Variants in MAST2 observed in about 807,000 individuals in gnomAD.
MAST2 encodes microtubule-associated serine/threonine-protein kinase 2.
MAST2 carries 70 observed loss-of-function variants against 147.4 expected under a neutral mutation model. The ratio of observed to expected loss-of-function variants is 0.47; its 90% confidence interval spans 0.39 to 0.58. The LOEUF (loss-of-function observed/expected upper bound fraction) is 0.58. Among genes scored for constraint, MAST2 ranks in the 20% least tolerant of loss-of-function variants. The pLI, the probability that MAST2 is intolerant of heterozygous loss-of-function variation, is 0.00. For synonymous variants in MAST2, 869 were observed against 896.8 expected, an observed-to-expected ratio of 0.97 and a Z score of 0.55; for missense variants, 2,080 against 2,302.3, an observed-to-expected ratio of 0.90 and a Z score of 1.98.
chr1:46,023,663 C>G lies in MAST2; in HGVS notation c.1572-109C>G. The G allele has an allele frequency of 2.0e-6, 2 of 993,790 alleles. No homozygotes were observed. Among genetic ancestry groups the G allele is most frequent in the African/African-American group, 1.6e-5 (1 of 62,424 alleles). The allele number at this position is 993,790 out of a possible 1,614,324, so 61.6% of individuals were successfully genotyped here. A position where few individuals can be genotyped will look rare whatever the true frequency, so the allele number is the denominator to read the frequency against. On this transcript the variant is annotated intron_variant, in intron 14 of 28. Coordinates refer to ENST00000361297, the MANE Select transcript of MAST2 (RefSeq NM_015112.3). The surrounding 1 kb of genome is among the most constrained non-coding windows in gnomAD (Gnocchi z 4.9). Reference sequence around the variant, plus strand: ...TCTCACTGATATGCATGCCCTTGCCCCCTTGTTCTGTGCATTAATTAAGGT... The same window carrying G: ...TCTCACTGATATGCATGCCCTTGCCGCCTTGTTCTGTGCATTAATTAAGGT...
chr1:45,831,779 A>ACTT lies in MAST2; in HGVS notation c.468+2198_468+2199insCTT, dbSNP rs1491380342. 1.5e-5 allele frequency among the ~76,000 whole-genome samples: 2 copies of ACTT among 133,984 alleles called. 1 individual carries two copies. 87.9% of individuals were successfully genotyped at this position (133,984 alleles called of 152,430 possible). A position where few individuals can be genotyped will look rare whatever the true frequency, so the allele number is the denominator to read the frequency against. On this transcript the variant is annotated intron_variant, in intron 3 of 28. Coordinates refer to ENST00000361297, the MANE Select transcript of MAST2 (RefSeq NM_015112.3). ...TATGACCAGATCTAAGAAGTTTAAT[A>ACTT]GTTTTTTTTTTTTTTTTTGAGCCTG...
At chr1:46,013,288 G>A (rs964864293) in intron 10 of MAST2, among the ~76,000 whole-genome samples, 1 of 152,022 alleles carries the variant, frequency 6.6e-6, no homozygotes, top group Non-Finnish European at 1.5e-5. Flanking sequence ...ACCCAGATTT[G>A]GCTTATTCCA....
intron 1 of MAST2, among the ~76,000 whole-genome samples, chr1:45,814,016 T>C (rs970556612): frequency 6.6e-6 from 1 of 152,156 alleles, no homozygotes; most frequent in Non-Finnish European, 1.5e-5. Context: ...TATTACAACA[T>C]TGTAGTGCAA....
At chr1:45,973,904 A>T (rs370037828) in intron 5 of MAST2, among the ~76,000 whole-genome samples, 18 of 152,338 alleles carry the variant, frequency 1.2e-4, no homozygotes, top group African/African-American at 4.1e-4. Context: ...GTGGGGGCAA[A>T]ACCTAATTGG....
At chr1:45,979,440 T>G (rs1398422926) in intron 5 of MAST2, among the ~76,000 whole-genome samples, 1 of 151,874 alleles carries the variant, frequency 6.6e-6, no homozygotes, top group African/African-American at 2.4e-5. Flanking sequence ...TTTTTTTTTT[T>G]TTTTTTTGGT....
chr1:45,816,837 C>G (rs1236370168), intron 1 of MAST2, among the ~76,000 whole-genome samples: 1 of 152,116 alleles, frequency 6.6e-6, no homozygotes, highest in African/African-American at 2.4e-5. Context: ...GCCACCACAC[C>G]TGGCTAATTT....
rs77846621 is a variant in MAST2, at chr1:45,848,307, C to T, written c.468+18726C>T. On this transcript the variant is annotated intron_variant, in intron 3 of 28. Transcript: ENST00000361297. ...AGTTTCCTACACTGATAAAAATTTC[C>T]TTGAATGATAAGAGTGACTTACTGT... 2.9e-3 allele frequency among the ~76,000 whole-genome samples: 445 copies of T among 152,270 alleles called. 3 individuals are homozygous for T. The highest frequency in any genetic ancestry group is 0.02 in the East Asian group (106 of 5,192).
intron 4 of MAST2, among the ~76,000 whole-genome samples, chr1:45,901,088 A>G (rs4660321): frequency 0.45 from 67,769 of 152,006 alleles, 15,312 homozygotes; most frequent in East Asian, 0.62. Flanking sequence ...GCCAATGTCC[A>G]TAAGAGTTTT....
chr1:45,936,092 G>C (rs139753833), intron 4 of MAST2, among the ~76,000 whole-genome samples: 1 of 152,012 alleles, frequency 6.6e-6, no homozygotes, highest in Admixed American at 6.6e-5. Flanking sequence ...TTTAATTCTT[G>C]TTGTAGAGAT....
At chr1:45,865,287 T>G (rs1646108142) in intron 3 of MAST2, 2 of 328,720 alleles carry the variant, frequency 6.1e-6, no homozygotes, top group Non-Finnish European at 1.2e-5. Context: ...CTTTGATGTA[T>G]AGTTATAATT....
rs757114928 is a variant in MAST2, at chr1:46,029,874, G to A, written c.2364G>A (p.Leu788=). 6.2e-7 allele frequency: 1 copy of A among 1,614,066 alleles called. No homozygotes were observed. Among genetic ancestry groups the A allele is most frequent in the African/African-American group, 1.3e-5 (1 of 74,920 alleles). ...AGCAGCACCCATTCTTTACTGGTCT[G>A]GACTGGACAGGACTTCTCCGCCAGA... ...EVKQHPFFTG[L]DWTGLLRQKA... Residue 788 remains leucine (L), a synonymous_variant, in exon 20 of 29, where the codon CTG becomes CTA. Coordinates refer to ENST00000361297, the MANE Select transcript of MAST2 (RefSeq NM_015112.3).
chr1:45,933,882 T>A (rs1655770951), intron 4 of MAST2, among the ~76,000 whole-genome samples: 1 of 151,178 alleles, frequency 6.6e-6, no homozygotes, highest in Non-Finnish European at 1.5e-5. Flanking sequence ...ATTGTATCCT[T>A]CTACTTTAAT....
intron 2 of MAST2, among the ~76,000 whole-genome samples, chr1:45,825,304 C>T (rs766677151): frequency 2.0e-5 from 3 of 151,654 alleles, no homozygotes; most frequent in Non-Finnish European, 2.9e-5. Flanking sequence ...GGATTACAGG[C>T]GTGAGCCACC....
At chr1:46,013,281 C>T (rs993476403) in intron 10 of MAST2, among the ~76,000 whole-genome samples, 1 of 152,076 alleles carries the variant, frequency 6.6e-6, no homozygotes, top group African/African-American at 2.4e-5. Context: ...GGACCCAACC[C>T]AGATTTGGCT....
intron 4 of MAST2, among the ~76,000 whole-genome samples, chr1:45,902,264 T>G (rs2148493925): frequency 6.6e-6 from 1 of 152,364 alleles, no homozygotes; most frequent in African/African-American, 2.4e-5. Context: ...TTTTTTATTC[T>G]GTTTATGTGG....
chr1:45,884,829 G>A (rs1388260602), intron 4 of MAST2, among the ~76,000 whole-genome samples: 1 of 152,112 alleles, frequency 6.6e-6, no homozygotes, highest in East Asian at 1.9e-4. Context: ...TAAAACAGGA[G>A]CTCCCACTTC....
chr1:45,976,514 T>A (rs963514085), intron 5 of MAST2, among the ~76,000 whole-genome samples: 3 of 152,160 alleles, frequency 2.0e-5, no homozygotes, highest in Non-Finnish European at 4.4e-5. Flanking sequence ...GTGAGAAGAA[T>A]GCAAGGAAAA....
chr1:45,830,256 CCT>C (rs1274728138), intron 3 of MAST2, among the ~76,000 whole-genome samples: 1 of 139,154 alleles, frequency 7.2e-6, no homozygotes, highest in Non-Finnish European at 1.5e-5. Flanking sequence ...CTCACTGCAA[CCT>C]CTGTCTCCCA....
At chr1:45,898,942 A>G (rs971649372) in intron 4 of MAST2, among the ~76,000 whole-genome samples, 2 of 152,170 alleles carry the variant, frequency 1.3e-5, no homozygotes, top group Non-Finnish European at 2.9e-5. Flanking sequence ...CCATATGGGC[A>G]TTCTTTTAAC....
Sources: gnomAD v4.1 joint callset for allele counts (sites outside exome capture counted in the v4.1 genomes callset) on GRCh38, gnomAD v4.1.1 for gene constraint, Gnocchi (gnomAD v3.1) non-coding constraint, MANE v1.5 for transcripts, NCBI Gene and HGNC (gene_info 2026-07-23, HGNC 2026-07-21) for gene names.